GOSR1: variants seen among roughly 807,000 people sequenced by gnomAD.
The protein encoded by GOSR1 is 28 kDa Golgi SNARE protein.
In GOSR1, 21 loss-of-function variants were observed where a neutral mutation model predicts 35.5. That is an observed-to-expected ratio of 0.59 (90% CI 0.42 to 0.85). GOSR1 has a LOEUF of 0.85. GOSR1 is among the 40% of genes least tolerant of loss of function. The pLI is 0.00. For missense variants in GOSR1, 285 were observed against 309.6 expected (o/e 0.92, Z 0.60); for synonymous variants, 94 against 106.6 (o/e 0.88, Z 0.73).
intron 1 of GOSR1, 117 bp from the exon 2 acceptor site, chr17:30,481,026 T>C (rs1914308117): frequency 1.5e-6 from 1 of 687,798 alleles, no homozygotes; most frequent in Non-Finnish European, 2.6e-6. Context: ...CTTTTCTTTA[T>C]GGGGGTAACA....
At chr17:30,484,535 T>TTTTTG (rs5819902) in intron 3 of GOSR1, 128 bp from the exon 4 acceptor site, 19 of 606,812 alleles carry the variant, frequency 3.1e-5, no homozygotes, top group Non-Finnish European at 4.7e-5. Context: ...TCTTGTTTGT[T>TTTTTG]TTTTGTTTTG....
At chr17:30,514,606 A>G (rs1184806828) in intron 7 of GOSR1, among the ~76,000 whole-genome samples, 4 of 152,234 alleles carry the variant, frequency 2.6e-5, no homozygotes, top group African/African-American at 4.8e-5. Context: ...TTCCAGTCCA[A>G]TGCTCTGGGC....
At chr17:30,491,487 C>T (rs1171716086) in intron 5 of GOSR1, among the ~76,000 whole-genome samples, 2 of 151,862 alleles carry the variant, frequency 1.3e-5, no homozygotes, top group African/African-American at 2.4e-5. Flanking sequence ...GGTGAAACCC[C>T]GTCTCTACTA....
intron 7 of GOSR1, among the ~76,000 whole-genome samples, chr17:30,515,294 AT>A (rs35911853): frequency 0.05 from 6,978 of 139,460 alleles, 172 homozygotes; most frequent in African/African-American, 0.076. Flanking sequence ...TGCCCAGCTA[AT>A]TTTTTTTTTT....
rs567427748 is a variant in GOSR1 at position 30,488,226 on chromosome 17, G to A, written c.343-1900G>A. Among the ~76,000 whole-genome samples the A allele has an allele frequency of 7.6e-5, 11 of 144,834 alleles. No individual in the cohort carries two copies. The East Asian group carries it at 1.0e-3, about 14-fold the overall frequency. ...GTCACCCAGGCTGGAGTGCAGTGGC[G>A]CGGTCTTGGCTCACTGCAACCTCTG... On this transcript the variant is annotated intron_variant, in intron 4 of 8. Transcript: ENST00000451249.
chr17:30,496,230 C>G (rs1431717537), intron 6 of GOSR1, among the ~76,000 whole-genome samples: 1 of 152,170 alleles, frequency 6.6e-6, no homozygotes. Flanking sequence ...CTTCAGCCAT[C>G]CGGTACACTG....
intron 4 of GOSR1, among the ~76,000 whole-genome samples, chr17:30,489,254 C>T (rs1462340095): frequency 1.3e-5 from 2 of 151,974 alleles, no homozygotes; most frequent in African/African-American, 4.8e-5. Flanking sequence ...TGTAGTGGCA[C>T]GCTCCTATAG....
At chr17:30,481,598 C>A (rs1914354207) in intron 2 of GOSR1, among the ~76,000 whole-genome samples, 1 of 151,700 alleles carries the variant, frequency 6.6e-6, no homozygotes, top group South Asian at 2.1e-4. Flanking sequence ...TTGTGTTTTT[C>A]AATTGCTAAA....
At chr17:30,491,026 C>A (rs981202472) in intron 5 of GOSR1, among the ~76,000 whole-genome samples, 6 of 152,122 alleles carry the variant, frequency 3.9e-5, no homozygotes, top group African/African-American at 1.4e-4. Context: ...TGTGTACTCT[C>A]GAAAACACTT....
rs1411296687 is a variant in GOSR1, at chr17:30,525,394, A to G, written c.*3016A>G. 1 of 152,210 alleles carries G rather than the reference A, an allele frequency of 6.6e-6. No individual in the cohort carries two copies. The allele number at this position is 152,210 out of a possible 1,614,324, so 9.4% of individuals were successfully genotyped here. A position where few individuals can be genotyped will look rare whatever the true frequency, so the allele number is the denominator to read the frequency against. ...GATTGACTGTTAATTGATTCAGGGT[A>G]CCCTTAAAAGAAAAGAAGTTTTCCC... On this transcript the variant is annotated 3_prime_UTR_variant, in exon 9 of 9. Transcript: ENST00000451249.
At chr17:30,478,943 A>G (rs1914144390) in intron 1 of GOSR1, 1 of 152,244 alleles carries the variant, frequency 6.6e-6, no homozygotes, top group Non-Finnish European at 1.5e-5. Context: ...GCAGCATGCT[A>G]TAATATTACA....
At chr17:30,501,494 C>A (rs1483621727) in intron 6 of GOSR1, among the ~76,000 whole-genome samples, 1 of 151,352 alleles carries the variant, frequency 6.6e-6, no homozygotes, top group East Asian at 1.9e-4. Flanking sequence ...GTTTTGTTTT[C>A]TTTTTCTTTT....
At chr17:30,512,874 T>C (rs1009579231) in intron 7 of GOSR1, among the ~76,000 whole-genome samples, 1 of 152,194 alleles carries the variant, frequency 6.6e-6, no homozygotes, top group Non-Finnish European at 1.5e-5. Context: ...GCTGGTAATA[T>C]GAGTATAAAA....
At chr17:30,495,785 C>T (rs1369434684) in intron 6 of GOSR1, among the ~76,000 whole-genome samples, 1 of 152,248 alleles carries the variant, frequency 6.6e-6, no homozygotes, top group Admixed American at 6.5e-5. Flanking sequence ...CTGCTGTACC[C>T]TGGCAAAATG....
intron 6 of GOSR1, among the ~76,000 whole-genome samples, chr17:30,498,997 C>T (rs1967101983): frequency 6.6e-6 from 1 of 152,158 alleles, no homozygotes; most frequent in Non-Finnish European, 1.5e-5. Context: ...GTTCCTTATG[C>T]CCCTTTTGAG....
At chr17:30,503,550 C>A (rs930767729) in intron 6 of GOSR1, among the ~76,000 whole-genome samples, 1 of 152,212 alleles carries the variant, frequency 6.6e-6, no homozygotes, top group Non-Finnish European at 1.5e-5. Flanking sequence ...CCAGATGATG[C>A]CATCTGCATG....
At chr17:30,515,418 C>T (rs1371311391) in intron 7 of GOSR1, among the ~76,000 whole-genome samples, 2 of 151,880 alleles carry the variant, frequency 1.3e-5, no homozygotes, top group South Asian at 2.1e-4. Flanking sequence ...TGTTAGGCCT[C>T]ACCATGCGTG....
chr17:30,493,037 AG>A (rs1915141693), intron 6 of GOSR1, among the ~76,000 whole-genome samples: 2 of 150,256 alleles, frequency 1.3e-5, no homozygotes. Context: ...TCCGTCACCC[AG>A]GCTGGAGTGC....
At position 30,492,742 on chromosome 17, in the gene GOSR1, C is replaced by T; in HGVS notation, c.498C>T (p.Asp166=). The change falls in exon 6 of 9, where the codon GAC becomes GAT. Residue 166 remains aspartate (D), a synonymous_variant. Transcript: ENST00000451249. The part of the protein sequence containing the change: ...RRTELFLKEH[D]HLRNSDRLIE... Reference sequence around the variant, plus strand: ...CTGAGCTATTTTTGAAAGAACATGACCACCTTCGAAAGTAGGTATTGAATG... The same window carrying T: ...CTGAGCTATTTTTGAAAGAACATGATCACCTTCGAAAGTAGGTATTGAATG... The T allele has an allele frequency of 6.3e-7, 1 of 1,586,572 alleles. No homozygotes were observed. The highest frequency in any genetic ancestry group is 8.7e-7 in the Non-Finnish European group (1 of 1,155,090).
Sources: gnomAD v4.1 joint callset for allele counts (sites outside exome capture counted in the v4.1 genomes callset) on GRCh38, gnomAD v4.1.1 for gene constraint, MANE v1.5 for transcripts, NCBI Gene and HGNC (gene_info 2026-07-23, HGNC 2026-07-21) for gene names.